Variants in PPP4R3B observed in about 807,000 individuals in gnomAD.
PPP4R3B encodes protein phosphatase 4 regulatory subunit 3B, also known as serine/threonine-protein phosphatase 4 regulatory subunit 3B.
A neutral mutation model predicts 95.4 loss-of-function variants in PPP4R3B; 52 were observed. The ratio of observed to expected loss-of-function variants is 0.54; its 90% CI spans 0.44 to 0.69. The LOEUF is 0.69. Among genes scored for constraint, PPP4R3B ranks in the 30% least tolerant of loss-of-function variants. The pLI is 0.00. For synonymous variants in PPP4R3B, 407 were observed against 343.9 expected (o/e 1.18, Z -2.03); for missense variants, 1,003 against 1,005.9 (o/e 1.00, Z 0.04).
chr2:55,617,483 C>A lies in PPP4R3B; in HGVS notation c.-198G>T. The A allele has an allele frequency of 1.9e-6, 1 of 524,696 alleles. No individual in the cohort carries two copies. The highest frequency in any genetic ancestry group is 3.2e-6 in the Non-Finnish European group (1 of 316,630). The allele number at this position is 524,696 out of a possible 1,614,324, so 32.5% of individuals were successfully genotyped here. A position where few individuals can be genotyped will look rare whatever the true frequency, so the allele number is the denominator to read the frequency against. ...CCACTGAGGCCTCTCCGCCCGGAGG[C>A]CCCGTTACCTCTCACTTCACCCGCG... On this transcript the variant is annotated 5_prime_UTR_variant, in exon 1 of 17. Coordinates refer to ENST00000616407, the MANE Select transcript of PPP4R3B (RefSeq NM_001122964.3).
intron 7 of PPP4R3B, among the ~76,000 whole-genome samples, chr2:55,584,590 A>G (rs967943446): frequency 2.6e-5 from 4 of 152,204 alleles, no homozygotes; most frequent in Non-Finnish European, 5.9e-5. Context: ...AGTTGAGAAC[A>G]TACGATGTTT....
At chr2:55,600,757 G>GA (rs1463623544) in intron 3 of PPP4R3B, among the ~76,000 whole-genome samples, 1 of 149,606 alleles carries the variant, frequency 6.7e-6, no homozygotes, top group Non-Finnish European at 1.5e-5. Flanking sequence ...CAATGACAAA[G>GA]AAAAAAATAA....
intron 3 of PPP4R3B, among the ~76,000 whole-genome samples, chr2:55,600,772 T>A (rs10176305): frequency 1.3e-5 from 2 of 150,954 alleles, no homozygotes; most frequent in East Asian, 2.0e-4. Context: ...AAATAAAATT[T>A]AAAAAAACAA....
intron 1 of PPP4R3B, 82 bp from the exon 2 acceptor site, chr2:55,615,588 G>T: frequency 1.0e-6 from 1 of 969,538 alleles, no homozygotes; most frequent in Non-Finnish European, 1.5e-6. Flanking sequence ...AAAGCCGGGC[G>T]CAGTGGCTCA....
chr2:55,609,805 A>C (rs1193770265), intron 2 of PPP4R3B, among the ~76,000 whole-genome samples: 1 of 152,200 alleles, frequency 6.6e-6, no homozygotes, highest in Non-Finnish European at 1.5e-5. Flanking sequence ...TACCAATAAA[A>C]GGGAAAAAAT....
intron 15 of PPP4R3B, among the ~76,000 whole-genome samples, chr2:55,559,617 C>T (rs1191288240): frequency 6.6e-6 from 1 of 152,266 alleles, no homozygotes; most frequent in South Asian, 2.1e-4. Context: ...CACTTCCCCC[C>T]TTGCTCTCTC....
At chr2:55,589,701 G>GTCATGAGA (rs968268778) in intron 4 of PPP4R3B, among the ~76,000 whole-genome samples, 2 of 150,848 alleles carry the variant, frequency 1.3e-5, no homozygotes, top group African/African-American at 4.9e-5. Context: ...GGATCACGAG[G>GTCATGAGA]TCATGAGATC....
chr2:55,568,448 T>A, intron 12 of PPP4R3B, 85 bp from the exon 13 acceptor site: 1 of 1,057,272 alleles, frequency 9.5e-7, no homozygotes, highest in Non-Finnish European at 1.3e-6. Context: ...TAAAGCAATG[T>A]ATATGCTCTT....
chr2:55,593,495 A>G (rs1691320239), intron 4 of PPP4R3B, among the ~76,000 whole-genome samples: 1 of 152,210 alleles, frequency 6.6e-6, no homozygotes, highest in Admixed American at 6.5e-5. Flanking sequence ...ATGCGCATTT[A>G]AGAAACCACA....
intron 4 of PPP4R3B, among the ~76,000 whole-genome samples, chr2:55,595,384 C>A (rs1691624271): frequency 6.6e-6 from 1 of 151,276 alleles, no homozygotes; most frequent in African/African-American, 2.4e-5. Context: ...AATCTCAGCA[C>A]TTTGGGAGGG....
chr2:55,576,445 T>TC (rs1222558170), intron 11 of PPP4R3B, among the ~76,000 whole-genome samples: 1 of 141,012 alleles, frequency 7.1e-6, no homozygotes, highest in South Asian at 2.3e-4. Flanking sequence ...AAATTAAGTT[T>TC]AAAAAAACAA....
intron 7 of PPP4R3B, among the ~76,000 whole-genome samples, chr2:55,583,172 TTC>T (rs1485622371): frequency 1.3e-5 from 2 of 152,176 alleles, no homozygotes; most frequent in Non-Finnish European, 2.9e-5. Context: ...ATAAGTTACT[TTC>T]TGTTTCCTTC....
chr2:55,617,002 G>A (rs1342886115), intron 1 of PPP4R3B, 142 bp downstream of exon 1: 4 of 880,640 alleles, frequency 4.5e-6, no homozygotes, highest in Non-Finnish European at 6.8e-6. Context: ...ACAGTACTTT[G>A]TTTTTGCCGT....
chr2:55,603,810 CTT>C (rs1165785168), intron 3 of PPP4R3B, among the ~76,000 whole-genome samples, 166 bp downstream of exon 3: 2 of 152,092 alleles, frequency 1.3e-5, no homozygotes, highest in Non-Finnish European at 2.9e-5. Context: ...TTTTAAAAAA[CTT>C]AAAGTAAAAT....
intron 2 of PPP4R3B, 62 bp downstream of exon 2, chr2:55,615,389 C>T (rs1694751021): frequency 1.7e-6 from 2 of 1,195,538 alleles, no homozygotes; most frequent in East Asian, 2.4e-5. Flanking sequence ...CCACCTTTGT[C>T]AGATTAATAC....
In PPP4R3B at chr2:55,548,591, C is replaced by G. The variant is rs984664278; in HGVS notation, c.*1320G>C. On this transcript the variant is annotated 3_prime_UTR_variant, in exon 17 of 17. Transcript: ENST00000616407. ...AAAATTAACTACAAAATCTCCAAAA[C>G]AGGGGAAACTGCTTTAGATTAAACG... The G allele has an allele frequency of 1.3e-5, 2 of 152,522 alleles. No individual in the cohort carries two copies. The highest frequency in any genetic ancestry group is 2.9e-5 in the Non-Finnish European group (2 of 68,010). 9.4% of individuals were successfully genotyped at this position (152,522 alleles called of 1,614,324 possible).
chr2:55,560,536 T>G (rs1686451170), intron 15 of PPP4R3B, among the ~76,000 whole-genome samples: 2 of 152,112 alleles, frequency 1.3e-5, no homozygotes, highest in Non-Finnish European at 2.9e-5. Flanking sequence ...ACCAGCACTT[T>G]GGGAGGCTGA....
chr2:55,614,661 G>A (rs898344732), intron 2 of PPP4R3B: 3 of 152,110 alleles, frequency 2.0e-5, no homozygotes, highest in Non-Finnish European at 4.4e-5. Flanking sequence ...TGTAAACAAC[G>A]GGATGGATAC....
chr2:55,571,309 CA>C (rs11358675), intron 12 of PPP4R3B, among the ~76,000 whole-genome samples: 66,807 of 148,084 alleles, frequency 0.45, 15,565 homozygotes, highest in Non-Finnish European at 0.52. Flanking sequence ...GACTCTGTCT[CA>C]AAAAAAAAAA....
Sources: gnomAD v4.1 joint callset for allele counts (sites outside exome capture counted in the v4.1 genomes callset) on GRCh38, gnomAD v4.1.1 for gene constraint, MANE v1.5 for transcripts, NCBI Gene and HGNC (gene_info 2026-07-23, HGNC 2026-07-21) for gene names.